ANGPT1: variants seen among roughly 807,000 people sequenced by gnomAD.
ANGPT1 encodes angiopoietin-1.
ANGPT1 carries 17 observed loss-of-function variants against 62.2 expected under a neutral mutation model. The observed-to-expected ratio is 0.27, with a 90% CI of 0.19 to 0.41. ANGPT1 has a LOEUF of 0.41. Among genes scored for constraint, ANGPT1 ranks in the 10% least tolerant of loss-of-function variants. The probability of loss-of-function intolerance (pLI) is 1.00; values close to 1 mark genes in which losing one functional copy is unlikely to be tolerated. For missense variants in ANGPT1, 478 were observed against 594.9 expected (o/e 0.80, Z 2.04); for synonymous variants, 199 against 198.9 (o/e 1.00, Z 0.00).
chr8:107,301,668 A>G lies in ANGPT1; in HGVS notation c.936+1572T>C, dbSNP rs759697514. ...CACTTCTCTGGTAGATGGCTGAGGT[A>G]GCAAAGTACAGAAGAGTGCCTCCTG... On this transcript the variant is annotated intron_variant, in intron 5 of 8. Transcript: ENST00000517746. 4.2e-4 allele frequency among the ~76,000 whole-genome samples: 64 copies of G among 151,934 alleles called. 1 individual carries two copies. The highest frequency in any genetic ancestry group is 7.7e-4 in the Non-Finnish European group (52 of 67,918).
chr8:107,440,572 C>T (rs1041924335), intron 1 of ANGPT1, among the ~76,000 whole-genome samples: 2 of 152,130 alleles, frequency 1.3e-5, no homozygotes, highest in Non-Finnish European at 2.9e-5. Context: ...ATTGTCAATT[C>T]TTTTGTGACT....
At chr8:107,440,358 G>A (rs958570784) in intron 1 of ANGPT1, among the ~76,000 whole-genome samples, 14 of 152,148 alleles carry the variant, frequency 9.2e-5, no homozygotes, top group Non-Finnish European at 1.8e-4. Flanking sequence ...TTTAGATCTA[G>A]GAGAAACTTG....
intron 7 of ANGPT1, among the ~76,000 whole-genome samples, chr8:107,273,887 T>C (rs1813798111): frequency 6.6e-6 from 1 of 151,516 alleles, no homozygotes; most frequent in Non-Finnish European, 1.5e-5. Context: ...ATTTTGTGTT[T>C]CTTCATCATT....
At chr8:107,346,899 A>C (rs372578603) in intron 2 of ANGPT1, 43 bp downstream of exon 2, 2 of 1,534,342 alleles carry the variant, frequency 1.3e-6, no homozygotes, top group Middle Eastern at 1.8e-4. Flanking sequence ...GAAAAAAAAA[A>C]TTTTTCCTTG....
chr8:107,472,017 C>T (rs913281376), intron 1 of ANGPT1, among the ~76,000 whole-genome samples: 2 of 151,972 alleles, frequency 1.3e-5, no homozygotes, highest in African/African-American at 4.8e-5. Flanking sequence ...TTAGGCTCCT[C>T]TTGCTTTTTT....
chr8:107,334,863 G>C (rs990985552), intron 3 of ANGPT1, among the ~76,000 whole-genome samples: 1 of 152,126 alleles, frequency 6.6e-6, no homozygotes, highest in African/African-American at 2.4e-5. Context: ...CATGCAATAA[G>C]GGTCAAGTCC....
chr8:107,419,468 G>A (rs1810841072), intron 1 of ANGPT1, among the ~76,000 whole-genome samples: 1 of 152,064 alleles, frequency 6.6e-6, no homozygotes, highest in South Asian at 2.1e-4. Context: ...ATACCCTTTT[G>A]TCCTCCAATC....
intron 6 of ANGPT1, among the ~76,000 whole-genome samples, chr8:107,288,434 T>C (rs779013855): frequency 1.3e-5 from 2 of 152,116 alleles, no homozygotes; most frequent in African/African-American, 2.4e-5. Context: ...TATTATACCA[T>C]GCTAATAAGT....
intron 1 of ANGPT1, among the ~76,000 whole-genome samples, chr8:107,493,438 A>G (rs541728643): frequency 6.6e-6 from 1 of 150,658 alleles, no homozygotes; most frequent in South Asian, 2.2e-4. Context: ...GAGTGACTAG[A>G]GAAGTTTTTG....
chr8:107,378,202 A>G (rs1563595213), intron 1 of ANGPT1, among the ~76,000 whole-genome samples: 1 of 152,204 alleles, frequency 6.6e-6, no homozygotes, highest in Non-Finnish European at 1.5e-5. Flanking sequence ...TGGTGAAGGG[A>G]GTGCTCTTTT....
chr8:107,295,649 C>A (rs1016408220), intron 5 of ANGPT1: 1 of 151,886 alleles, frequency 6.6e-6, no homozygotes, highest in Non-Finnish European at 1.5e-5. Context: ...AAAACACGAG[C>A]AAAGAAAATG....
chr8:107,450,654 C>T (rs1484128971), intron 1 of ANGPT1, among the ~76,000 whole-genome samples: 5 of 151,226 alleles, frequency 3.3e-5, no homozygotes, highest in Non-Finnish European at 7.4e-5. Flanking sequence ...AAATGCTTGA[C>T]CCAAATGAAA....
intron 8 of ANGPT1, among the ~76,000 whole-genome samples, chr8:107,263,166 C>T (rs1387439239): frequency 6.6e-6 from 1 of 151,732 alleles, no homozygotes; most frequent in Non-Finnish European, 1.5e-5. Flanking sequence ...CCAGCCTGGC[C>T]AACATGGTGA....
At chr8:107,428,997 G>A (rs1230830285) in intron 1 of ANGPT1, among the ~76,000 whole-genome samples, 1 of 152,168 alleles carries the variant, frequency 6.6e-6, no homozygotes, top group Non-Finnish European at 1.5e-5. Flanking sequence ...AGAGGGTTAT[G>A]CTATTCTAAA....
chr8:107,276,407 AAC>A (rs1383823497), intron 7 of ANGPT1, among the ~76,000 whole-genome samples: 1 of 152,158 alleles, frequency 6.6e-6, no homozygotes, highest in African/African-American at 2.4e-5. Flanking sequence ...TTAGTATTTC[AAC>A]ATATTTGCTA....
At chr8:107,370,177 A>AAAGAG (rs1293890341) in intron 1 of ANGPT1, among the ~76,000 whole-genome samples, 11 of 36,454 alleles carry the variant, frequency 3.0e-4, no homozygotes, top group African/African-American at 6.0e-4. Flanking sequence ...AGAGAGAAAG[A>AAAGAG]AGAAAGAAAG....
intron 6 of ANGPT1, 35 bp downstream of exon 6, chr8:107,293,901 A>T (rs535948259): frequency 6.4e-7 from 1 of 1,560,310 alleles, no homozygotes; most frequent in South Asian, 1.1e-5. Flanking sequence ...TTCAAGATAA[A>T]ACACCAAAAA....
At chr8:107,491,952 C>T (rs2130542954) in intron 1 of ANGPT1, among the ~76,000 whole-genome samples, 1 of 152,208 alleles carries the variant, frequency 6.6e-6, no homozygotes, top group Non-Finnish European at 1.5e-5. Context: ...AGAAAAGGAC[C>T]TACTTGTCAT....
chr8:107,403,490 A>G (rs1817086178), intron 1 of ANGPT1, among the ~76,000 whole-genome samples: 1 of 152,148 alleles, frequency 6.6e-6, no homozygotes, highest in Non-Finnish European at 1.5e-5. Flanking sequence ...GTGTCTAAAA[A>G]TGAAATATCC....
Sources: gnomAD v4.1 joint callset for allele counts (sites outside exome capture counted in the v4.1 genomes callset) on GRCh38, gnomAD v4.1.1 for gene constraint, MANE v1.5 for transcripts, NCBI Gene and HGNC (gene_info 2026-07-23, HGNC 2026-07-21) for gene names.